CHSY3: variants seen among roughly 807,000 people sequenced by gnomAD.
The protein encoded by CHSY3 is N-acetylgalactosaminyl-proteoglycan 3-beta-glucuronosyltransferase 3.
CHSY3 carries 35 observed loss-of-function variants against 67.2 expected under a neutral mutation model. The observed-to-expected ratio is 0.52, with a 90% CI of 0.40 to 0.69. The LOEUF (loss-of-function observed/expected upper bound fraction) is 0.69, where lower values mean the gene tolerates loss of function less well. Ranked by LOEUF, CHSY3 falls within the 30% of genes least tolerant of loss-of-function variation. The pLI is 0.00. For missense variants in CHSY3, 1,069 were observed against 1,138.5 expected, an observed-to-expected ratio of 0.94 and a Z score of 0.88; for synonymous variants, 474 against 434.7, an observed-to-expected ratio of 1.09 and a Z score of -1.12.
chr5:130,055,960 T>C (rs1765519211), intron 2 of CHSY3, among the ~76,000 whole-genome samples: 1 of 152,082 alleles, frequency 6.6e-6, no homozygotes, highest in Non-Finnish European at 1.5e-5. Context: ...GGGATAAGAA[T>C]TGATGTTGAT....
intron 2 of CHSY3, among the ~76,000 whole-genome samples, chr5:130,127,011 A>T (rs1044795324): frequency 1.3e-5 from 2 of 152,168 alleles, no homozygotes; most frequent in East Asian, 3.9e-4. Flanking sequence ...TCTTTCAGAG[A>T]CATGAAAGAT....
In CHSY3 at chr5:129,908,240, C is replaced by G. The variant is rs1561449168; in HGVS notation, c.966C>G (p.Leu322=). The G allele has an allele frequency of 6.2e-7, 1 of 1,614,126 alleles. No homozygotes were observed. ...GCATGATCTTTAGCCGAGAAGTTCT[C>G]AGGAGGATGGTGCCACATATTGGTG... ...GPGMIFSREV[L]RRMVPHIGEC... The change falls in exon 2 of 3, where the codon CTC becomes CTG. Residue 322 remains leucine (L), a synonymous_variant. Coordinates refer to ENST00000305031, the MANE Select transcript of CHSY3 (RefSeq NM_175856.5).
At chr5:129,964,262 C>T (rs771734896) in intron 2 of CHSY3, among the ~76,000 whole-genome samples, 1 of 151,810 alleles carries the variant, frequency 6.6e-6, no homozygotes, top group Non-Finnish European at 1.5e-5. Flanking sequence ...AAGGATACAC[C>T]TGCTCTTATA....
At chr5:129,924,127 G>T (rs2149584851) in intron 2 of CHSY3, among the ~76,000 whole-genome samples, 1 of 151,918 alleles carries the variant, frequency 6.6e-6, no homozygotes, top group African/African-American at 2.4e-5. Context: ...AATATAAAAT[G>T]GTTCAAACAC....
intron 2 of CHSY3, among the ~76,000 whole-genome samples, chr5:129,945,161 A>G (rs531709207): frequency 6.6e-6 from 1 of 152,340 alleles, no homozygotes; most frequent in African/African-American, 2.4e-5. Flanking sequence ...TGCAATATTC[A>G]AAGTTTGTGA....
chr5:130,149,816 A>G (rs552347284), intron 2 of CHSY3, among the ~76,000 whole-genome samples: 31 of 152,328 alleles, frequency 2.0e-4, no homozygotes, highest in Non-Finnish European at 2.5e-4. Context: ...CAGTATCTGT[A>G]TACAAGTTTC....
rs150971949 is a variant in CHSY3 at position 130,072,321 on chromosome 5, T to G, written c.1087-111908T>G. Among the ~76,000 whole-genome samples the G allele has an allele frequency of 7.0e-4, 107 of 152,246 alleles. No individual in the cohort carries two copies. In the East Asian group the frequency reaches 0.016, roughly 23 times the overall value. ...AATCTTTAATTCATTTTGAGTTGATTTTTGTGTGATGTGAGAAAATATTTT... is the reference window on the plus strand; with the variant it reads ...AATCTTTAATTCATTTTGAGTTGATGTTTGTGTGATGTGAGAAAATATTTT... On this transcript the variant is annotated intron_variant, in intron 2 of 2. Coordinates refer to ENST00000305031, the MANE Select transcript of CHSY3 (RefSeq NM_175856.5).
At chr5:129,965,939 C>T (rs1423759710) in intron 2 of CHSY3, among the ~76,000 whole-genome samples, 1 of 151,836 alleles carries the variant, frequency 6.6e-6, no homozygotes, top group Non-Finnish European at 1.5e-5. Context: ...AGTTGACTAA[C>T]TCGTCTCATA....
chr5:130,058,753 C>G (rs1445376857), intron 2 of CHSY3, among the ~76,000 whole-genome samples: 1 of 152,196 alleles, frequency 6.6e-6, no homozygotes, highest in East Asian at 1.9e-4. Context: ...CTTAAAACAG[C>G]AGAAATATGT....
At chr5:130,064,655 A>G (rs1413955248) in intron 2 of CHSY3, among the ~76,000 whole-genome samples, 5 of 152,180 alleles carry the variant, frequency 3.3e-5, no homozygotes, top group African/African-American at 4.8e-5. Flanking sequence ...TTAAATCTGC[A>G]TATGCCTGAC....
At chr5:129,953,141 C>T (rs561300049) in intron 2 of CHSY3, among the ~76,000 whole-genome samples, 48 of 152,198 alleles carry the variant, frequency 3.2e-4, no homozygotes, top group Non-Finnish European at 6.2e-4. Context: ...TCCCCCTACC[C>T]CCAACAGGTC....
At chr5:129,948,224 T>G (rs985124499) in intron 2 of CHSY3, among the ~76,000 whole-genome samples, 1 of 152,164 alleles carries the variant, frequency 6.6e-6, no homozygotes, top group Admixed American at 6.5e-5. Flanking sequence ...GAACAGGTGG[T>G]GTTTAGTTAC....
At chr5:129,958,730 C>T (rs1369285410) in intron 2 of CHSY3, among the ~76,000 whole-genome samples, 1 of 152,044 alleles carries the variant, frequency 6.6e-6, no homozygotes, top group East Asian at 1.9e-4. Context: ...CAGGTGGGGT[C>T]TCACTTGCCC....
At chr5:130,142,766 A>G (rs1039707348) in intron 2 of CHSY3, among the ~76,000 whole-genome samples, 1 of 152,176 alleles carries the variant, frequency 6.6e-6, no homozygotes, top group Non-Finnish European at 1.5e-5. Context: ...CAGAGAATCC[A>G]TGGTCTTCAC....
At chr5:130,054,009 A>G (rs1765450119) in intron 2 of CHSY3, among the ~76,000 whole-genome samples, 1 of 152,158 alleles carries the variant, frequency 6.6e-6, no homozygotes, top group Admixed American at 6.5e-5. Flanking sequence ...ATTTTGTTCC[A>G]TGCTTGCTTT....
intron 2 of CHSY3, among the ~76,000 whole-genome samples, chr5:130,014,694 A>T (rs1258933227): frequency 6.6e-6 from 1 of 152,228 alleles, no homozygotes; most frequent in Non-Finnish European, 1.5e-5. Flanking sequence ...TCAACCATAT[A>T]TAAAAATTAA....
intron 2 of CHSY3, among the ~76,000 whole-genome samples, chr5:130,034,033 ATCT>A (rs1764776657): frequency 6.6e-6 from 1 of 152,154 alleles, no homozygotes; most frequent in Non-Finnish European, 1.5e-5. Context: ...TGCGAATAAC[ATCT>A]TCTTAAACTA....
chr5:130,022,529 A>G lies in CHSY3; in HGVS notation c.1086+114169A>G, dbSNP rs184441361. Among the ~76,000 whole-genome samples, 656 of 152,090 alleles carry G rather than the reference A, an allele frequency of 4.3e-3. 4 individuals are homozygous for G. The highest frequency in any genetic ancestry group is 6.0e-3 in the Non-Finnish European group (405 of 67,874). On this transcript the variant is annotated intron_variant, in intron 2 of 2. Transcript: ENST00000305031. ...TAGATAAGTCTTTGAGAGTAGTACCAATTCTATTTATTCTGTCAATGACAT... is the reference window on the plus strand; with the variant it reads ...TAGATAAGTCTTTGAGAGTAGTACCGATTCTATTTATTCTGTCAATGACAT...
chr5:129,974,676 A>C (rs1435858409), intron 2 of CHSY3, among the ~76,000 whole-genome samples: 1 of 152,186 alleles, frequency 6.6e-6, no homozygotes, highest in Non-Finnish European at 1.5e-5. Context: ...ATTCGGGAGC[A>C]GAAAGTTGAG....
Sources: allele counts gnomAD v4.1 joint callset (sites outside exome capture counted in the v4.1 genomes callset), GRCh38; gene constraint gnomAD v4.1.1; transcripts MANE v1.5; gene names NCBI Gene and HGNC (gene_info 2026-07-23, HGNC 2026-07-21).